ANKRD30A: variants seen among roughly 807,000 people sequenced by gnomAD.
ANKRD30A encodes the protein ankyrin repeat domain 30A.
Under a neutral mutation model 166.3 loss-of-function variants are expected in ANKRD30A, and 170 were observed. The ratio of observed to expected loss-of-function variants is 1.02; its 90% CI spans 0.90 to 1.16. ANKRD30A has a LOEUF of 1.16. Among genes scored for constraint, ANKRD30A ranks in the 50% most tolerant of loss-of-function variants. The pLI, the probability that ANKRD30A is intolerant of heterozygous loss-of-function variation, is 0.00. For synonymous variants in ANKRD30A, 564 were observed against 508.9 expected, an observed-to-expected ratio of 1.11 and a Z score of -1.46; for missense variants, 1,630 against 1,518.0, an observed-to-expected ratio of 1.07 and a Z score of -1.23.
intron 24 of ANKRD30A, chr10:37,178,442 G>A: frequency 2.6e-6 from 2 of 782,154 alleles, no homozygotes; most frequent in Non-Finnish European, 3.1e-6. Context: ...AGCCGACCTG[G>A]GATTCTGCAT....
Position 37,231,547 on chromosome 10 carries a change from C to G in ANKRD30A, c.*78C>G, listed in dbSNP as rs1392454927. 4 of 1,152,022 alleles carry G rather than the reference C, an allele frequency of 3.5e-6. No individual in the cohort carries two copies. Among genetic ancestry groups the G allele is most frequent in the Non-Finnish European group, 4.9e-6 (4 of 814,380 alleles). 71.4% of individuals were successfully genotyped at this position (1,152,022 alleles called of 1,614,324 possible). A position where few individuals can be genotyped will look rare whatever the true frequency, so the allele number is the denominator to read the frequency against. ...TCACAACTCATGCTAGGAGGCCAGTCCTAGCATCACCTTATGTTGAAAATC... is the reference window on the plus strand; with the variant it reads ...TCACAACTCATGCTAGGAGGCCAGTGCTAGCATCACCTTATGTTGAAAATC... On this transcript the variant is annotated 3_prime_UTR_variant, in exon 35 of 36. Coordinates refer to ENST00000361713, the MANE Select transcript of ANKRD30A (RefSeq NM_052997.3).
intron 12 of ANKRD30A, among the ~76,000 whole-genome samples, chr10:37,153,066 T>A (rs1161664553): frequency 2.0e-5 from 3 of 152,172 alleles, no homozygotes; most frequent in Admixed American, 6.5e-5. Context: ...AGGAAGCAGC[T>A]TTTTCATATT....
At chr10:37,201,208 A>G (rs1841597739) in intron 30 of ANKRD30A, 27 bp from the exon 31 acceptor site, 2 of 1,450,566 alleles carry the variant, frequency 1.4e-6, no homozygotes, top group Non-Finnish European at 1.9e-6. Context: ...TTCCATTGAA[A>G]TTATTTATTG....
intron 30 of ANKRD30A, among the ~76,000 whole-genome samples, chr10:37,200,742 AC>A (rs1162974144): frequency 2.4e-4 from 37 of 152,236 alleles, no homozygotes; most frequent in African/African-American, 8.2e-4. Context: ...AGCTTTTTCA[AC>A]ATTCTGTACA....
chr10:37,153,019 A>G (rs1262698198), intron 12 of ANKRD30A, among the ~76,000 whole-genome samples: 2 of 152,150 alleles, frequency 1.3e-5, no homozygotes, highest in South Asian at 2.1e-4. Context: ...AATTTTGTCT[A>G]AAACATGTTG....
Position 37,147,469 on chromosome 10 carries a change from T to C in ANKRD30A, c.1543+12T>C. ...TAGAGAAGTAGAAGGTAAGAACGATTTTTTATTTGAAAAGTCTTTTAACCA... is the reference window on the plus strand; with the variant it reads ...TAGAGAAGTAGAAGGTAAGAACGATCTTTTATTTGAAAAGTCTTTTAACCA... On this transcript the variant is annotated intron_variant, in intron 9 of 35. Coordinates refer to ENST00000361713, the MANE Select transcript of ANKRD30A (RefSeq NM_052997.3). 1 of 1,528,184 alleles carries C rather than the reference T, an allele frequency of 6.5e-7. No homozygotes were observed. The allele number at this position is 1,528,184 out of a possible 1,614,324, so 94.7% of individuals were successfully genotyped here. A position where few individuals can be genotyped will look rare whatever the true frequency, so the allele number is the denominator to read the frequency against.
At chr10:37,126,547 G>T (rs1274489398) in intron 1 of ANKRD30A, among the ~76,000 whole-genome samples, 1 of 152,184 alleles carries the variant, frequency 6.6e-6, no homozygotes, top group African/African-American at 2.4e-5. Flanking sequence ...GAGGTGGGAA[G>T]ATGGTTTATG....
chr10:37,221,889 A>G (rs1842918212), intron 34 of ANKRD30A, among the ~76,000 whole-genome samples: 1 of 151,412 alleles, frequency 6.6e-6, no homozygotes, highest in African/African-American at 2.4e-5. Context: ...TGCCAAGGAC[A>G]TTATACTGTT....
At chr10:37,251,674 T>A in the ANKRD30A span, among the ~76,000 whole-genome samples, 3 of 152,210 alleles carry the variant, frequency 2.0e-5, no homozygotes, top group African/African-American at 7.2e-5. Context: ...ATCAGCAATG[T>A]TCACCATGGG....
At chr10:37,149,568 C>G (rs1837756474) in intron 9 of ANKRD30A, 83 bp from the exon 10 acceptor site, 8 of 1,472,070 alleles carry the variant, frequency 5.4e-6, no homozygotes, top group African/African-American at 2.8e-5. Flanking sequence ...CAAGAGGAAT[C>G]AGTTACATAC....
chr10:37,205,489 A>G (rs1047390919), intron 31 of ANKRD30A, among the ~76,000 whole-genome samples: 1 of 152,180 alleles, frequency 6.6e-6, no homozygotes, highest in Non-Finnish European at 1.5e-5. Flanking sequence ...TAAGAGAAAT[A>G]CCTAATGTAA....
intron 6 of ANKRD30A, among the ~76,000 whole-genome samples, 160 bp downstream of exon 6, chr10:37,136,831 G>GTGTGTATATATA (rs67891035): frequency 7.0e-6 from 1 of 141,934 alleles, no homozygotes; most frequent in Non-Finnish European, 1.5e-5. Context: ...GTGTGTGTGT[G>GTGTGTATATATA]TATATATATA....
chr10:37,142,611 G>A (rs1453129831), intron 7 of ANKRD30A, among the ~76,000 whole-genome samples: 1 of 116,842 alleles, frequency 8.6e-6, no homozygotes, highest in African/African-American at 3.4e-5. Context: ...GTGAGACAGA[G>A]TCTCGAACTG....
At chr10:37,250,824 AT>A in the ANKRD30A span, among the ~76,000 whole-genome samples, 1 of 152,156 alleles carries the variant, frequency 6.6e-6, no homozygotes, top group Admixed American at 6.5e-5. Flanking sequence ...ATTAATTCAC[AT>A]TGTTTATAAA....
chr10:37,178,221 G>C lies in ANKRD30A; in HGVS notation c.2421+2003G>C, dbSNP rs1179885963. On this transcript the variant is annotated intron_variant, in intron 24 of 35. Transcript: ENST00000361713. ...CAGAGAATTACAGCAAAAATATTCT[G>C]ACTCTTAATGTCTTTCTCACTGGTG... 7.9e-5 allele frequency among the ~76,000 whole-genome samples: 12 copies of C among 151,376 alleles called. No individual in the cohort carries two copies. The East Asian group carries it at 2.1e-3, about 27-fold the overall frequency.
chr10:37,200,998 T>C (rs1841578389), intron 30 of ANKRD30A, among the ~76,000 whole-genome samples: 1 of 152,048 alleles, frequency 6.6e-6, no homozygotes, highest in African/African-American at 2.4e-5. Context: ...ATATGATTTG[T>C]TTTTCCTGCT....
intron 31 of ANKRD30A, among the ~76,000 whole-genome samples, chr10:37,215,414 G>T (rs1451721440): frequency 1.3e-5 from 2 of 151,178 alleles, no homozygotes; most frequent in Admixed American, 6.6e-5. Context: ...GGTTTCCAGG[G>T]GTTTCTTGCT....
intron 30 of ANKRD30A, 96 bp from the exon 31 acceptor site, chr10:37,201,139 C>G: frequency 9.6e-7 from 1 of 1,040,138 alleles, no homozygotes. Context: ...CAAAATAGGA[C>G]TTTTTTTTAA....
intron 31 of ANKRD30A, among the ~76,000 whole-genome samples, chr10:37,201,642 G>T (rs188071451): frequency 6.6e-6 from 1 of 152,210 alleles, no homozygotes; most frequent in Non-Finnish European, 1.5e-5. Flanking sequence ...GAGAGTACAT[G>T]AAGGAACAAG....
Sources: allele counts gnomAD v4.1 joint callset (sites outside exome capture counted in the v4.1 genomes callset), GRCh38; gene constraint gnomAD v4.1.1; transcripts MANE v1.5; gene names NCBI Gene and HGNC (gene_info 2026-07-23, HGNC 2026-07-21).